PDE2A: variants seen among roughly 807,000 people sequenced by gnomAD.
The protein encoded by PDE2A is phosphodiesterase 2A.
PDE2A carries 53 observed loss-of-function variants against 133.6 expected under a neutral mutation model. The ratio of observed to expected loss-of-function variants is 0.40; its 90% CI spans 0.32 to 0.50. The LOEUF (loss-of-function observed/expected upper bound fraction) is 0.50, where lower values mean the gene tolerates loss of function less well. PDE2A is among the 20% of genes least tolerant of loss of function. The pLI, the probability that PDE2A is intolerant of heterozygous loss-of-function variation, is 0.73. For missense variants in PDE2A, 796 were observed against 1,232.4 expected, an observed-to-expected ratio of 0.65 and a Z score of 5.30; for synonymous variants, 491 against 490.2, an observed-to-expected ratio of 1.00 and a Z score of -0.02.
chr11:72,579,834 T>C, intron 25 of PDE2A: 1 of 524,088 alleles, frequency 1.9e-6, no homozygotes, highest in Non-Finnish European at 3.4e-6. Flanking sequence ...TCCTCAGCTG[T>C]CACATGCAGG....
chr11:72,585,244 G>A (rs1191079486), intron 16 of PDE2A, 127 bp downstream of exon 16: 1 of 793,974 alleles, frequency 1.3e-6, no homozygotes, highest in African/African-American at 1.7e-5. Context: ...TGAAATAAAG[G>A]ATCCCTCAAA....
intron 6 of PDE2A, 81 bp downstream of exon 6, chr11:72,596,511 CA>C: frequency 1.5e-6 from 1 of 645,906 alleles, no homozygotes. Context: ...CACACACACA[CA>C]CACACCCTGG....
intron 2 of PDE2A, among the ~76,000 whole-genome samples, chr11:72,612,855 C>T (rs1164159047): frequency 2.0e-5 from 3 of 152,296 alleles, no homozygotes; most frequent in Middle Eastern, 3.4e-3. Flanking sequence ...CTTTCATTCA[C>T]CCCAGGTACC....
At chr11:72,603,930 A>T (rs1856861320) in intron 4 of PDE2A, among the ~76,000 whole-genome samples, 1 of 152,226 alleles carries the variant, frequency 6.6e-6, no homozygotes, top group Admixed American at 6.5e-5. Context: ...GGGCCTCAGG[A>T]CCATGAGTCC....
intron 2 of PDE2A, among the ~76,000 whole-genome samples, chr11:72,641,245 C>T (rs556735958): frequency 6.6e-6 from 1 of 152,362 alleles, no homozygotes; most frequent in East Asian, 1.9e-4. Flanking sequence ...CCCACCACCT[C>T]AGATCCCTGG....
At chr11:72,652,490 CAT>C (rs1178724044) in intron 1 of PDE2A, 1 of 455,036 alleles carries the variant, frequency 2.2e-6, no homozygotes, top group Admixed American at 2.3e-5. Context: ...ATGTGAGGTG[CAT>C]GCCAGCCTCC....
At chr11:72,672,263 C>A (rs546838859) in intron 1 of PDE2A, among the ~76,000 whole-genome samples, 3 of 152,270 alleles carry the variant, frequency 2.0e-5, no homozygotes, top group South Asian at 2.1e-4. Context: ...GCAACCTCCA[C>A]CTCCCAAGTT....
At chr11:72,642,512 CG>C (rs1859005791) in intron 1 of PDE2A, 186 bp from the exon 2 acceptor site, 1 of 549,774 alleles carries the variant, frequency 1.8e-6, no homozygotes, top group South Asian at 7.5e-5. Flanking sequence ...CGGCCCGCCC[CG>C]GCCCCGCCTA....
chr11:72,662,605 G>T (rs990141127), intron 1 of PDE2A, among the ~76,000 whole-genome samples: 17 of 152,294 alleles, frequency 1.1e-4, no homozygotes, highest in African/African-American at 4.1e-4. Flanking sequence ...GGCAGCATGA[G>T]GCAGGGAGGG....
chr11:72,577,681 C>T (rs1980089), intron 30 of PDE2A, 87 bp from the exon 31 acceptor site: 515,984 of 968,544 alleles, frequency 0.53, 143,593 homozygotes, highest in African/African-American at 0.77. Flanking sequence ...ACAAATAGAA[C>T]TTCCACAAGG....
chr11:72,629,215 AGGCCGGTGGAGCT>A (rs1380175244), intron 2 of PDE2A, among the ~76,000 whole-genome samples: 1 of 152,192 alleles, frequency 6.6e-6, no homozygotes, highest in Non-Finnish European at 1.5e-5. Context: ...GGGAAGGACG[AGGCCGGTGGAGCT>A]GGACAAAGAG....
chr11:72,585,892 G>T (rs1308803040), intron 14 of PDE2A, among the ~76,000 whole-genome samples, 178 bp downstream of exon 14: 2 of 152,232 alleles, frequency 1.3e-5, no homozygotes, highest in East Asian at 1.9e-4. Flanking sequence ...TACAGTGCCT[G>T]CGGGCAGTGG....
Position 72,597,595 on chromosome 11 carries a change from C to T in PDE2A, c.348G>A (p.Arg116=). Residue 116 remains arginine (R), a synonymous_variant, in exon 5 of 31, where the codon CGG becomes CGA. Coordinates refer to ENST00000334456, the MANE Select transcript of PDE2A (RefSeq NM_002599.5). The surrounding 1 kb of genome is among the most constrained non-coding windows in gnomAD (Gnocchi z 4.6). ...AGAAGCCCAGCCCATTGCAGCCCAG[C>T]CGCTTCTGGGAGATGATAGCCTCCC... The part of the protein sequence containing the change: ...KVREAIISQK[R]LGCNGLGFSD... 1 of 1,612,860 alleles carries T rather than the reference C, an allele frequency of 6.2e-7. No individual in the cohort carries two copies. The highest frequency in any genetic ancestry group is 8.5e-7 in the Non-Finnish European group (1 of 1,179,662).
Position 72,590,179 on chromosome 11 carries a change from C to A in PDE2A, c.756+13G>T. The A allele has an allele frequency of 1.3e-6, 2 of 1,545,626 alleles. No individual in the cohort carries two copies. The highest frequency in any genetic ancestry group is 1.8e-6 in the Non-Finnish European group (2 of 1,142,350). ...AGGACGGGGAGGTGGCCGGCAGGGGCGCAGGGACTCACGTATTGGAGCACT... is the reference window on the plus strand; with the variant it reads ...AGGACGGGGAGGTGGCCGGCAGGGGAGCAGGGACTCACGTATTGGAGCACT... On this transcript the variant is annotated intron_variant, in intron 9 of 30. Coordinates refer to ENST00000334456, the MANE Select transcript of PDE2A (RefSeq NM_002599.5). The surrounding 1 kb of genome is among the most constrained non-coding windows in gnomAD (Gnocchi z 4.8).
chr11:72,589,363 G>T, intron 11 of PDE2A, 123 bp from the exon 12 acceptor site: 1 of 746,150 alleles, frequency 1.3e-6, no homozygotes. Flanking sequence ...ATGGTGGACA[G>T]GGTCAGCATT....
In PDE2A at chr11:72,624,448, C is replaced by A. The variant is rs536764635; in HGVS notation, c.145-15697G>T. 7.9e-5 allele frequency among the ~76,000 whole-genome samples: 12 copies of A among 152,288 alleles called. No individual in the cohort carries two copies. In the South Asian group the frequency reaches 1.7e-3, roughly 21 times the overall value. On this transcript the variant is annotated intron_variant, in intron 2 of 30. Transcript: ENST00000334456. The stretch of plus-strand genomic sequence containing the variant: ...TAATGTCAGGCCCAAGATCACACAG[C>A]ATCACACGCCCACTTCCACACACTT...
Position 72,585,603 on chromosome 11 carries a change from A to G in PDE2A, c.1183-10T>C, listed in dbSNP as rs763049281. Reference sequence around the variant, plus strand: ...CCACTTGGAGAAGAGCCTGGAATGAAGGAAATGGAGATCATAGGGGGGTCG... The same window carrying G: ...CCACTTGGAGAAGAGCCTGGAATGAGGGAAATGGAGATCATAGGGGGGTCG... On this transcript the variant is annotated splice_polypyrimidine_tract_variant and intron_variant, in intron 14 of 30. Coordinates refer to ENST00000334456, the MANE Select transcript of PDE2A (RefSeq NM_002599.5). 13 of 1,613,604 alleles carry G rather than the reference A, an allele frequency of 8.1e-6. No individual in the cohort carries two copies. In the African/African-American group the frequency reaches 1.1e-4, roughly 13 times the overall value.
chr11:72,579,638 C>A (rs1855628317), intron 25 of PDE2A, 30 bp from the exon 26 acceptor site: 4 of 1,542,820 alleles, frequency 2.6e-6, no homozygotes. Flanking sequence ...GGGGGCCCAG[C>A]TGGGGCAGAT....
At chr11:72,585,673 C>T in intron 14 of PDE2A, 80 bp from the exon 15 acceptor site, 1 of 1,264,238 alleles carries the variant, frequency 7.9e-7, no homozygotes, top group Non-Finnish European at 1.1e-6. Context: ...CCAACAGCAC[C>T]CGGGTCTTCT....
Sources: gnomAD v4.1 joint callset for allele counts (sites outside exome capture counted in the v4.1 genomes callset) on GRCh38, gnomAD v4.1.1 for gene constraint, Gnocchi (gnomAD v3.1) non-coding constraint, MANE v1.5 for transcripts, NCBI Gene and HGNC (gene_info 2026-07-23, HGNC 2026-07-21) for gene names.